Variants in ADAR observed in about 807,000 individuals in gnomAD.
The protein encoded by ADAR is adenosine deaminase RNA specific, also known as double-stranded RNA-specific adenosine deaminase.
In ADAR, 41 loss-of-function variants were observed where a neutral mutation model predicts 113.2. The observed-to-expected ratio is 0.36, with a 90% CI of 0.28 to 0.47. The LOEUF is 0.47. Among genes scored for constraint, ADAR ranks in the 20% least tolerant of loss-of-function variants. ADAR has a pLI of 1.00. For synonymous variants in ADAR, 605 were observed against 572.6 expected (o/e 1.06, Z -0.81); for missense variants, 1,242 against 1,540.9 (o/e 0.81, Z 3.25).
intron 1 of ADAR, among the ~76,000 whole-genome samples, chr1:154,622,856 T>G (rs1386304410): frequency 6.6e-6 from 1 of 151,998 alleles, no homozygotes; most frequent in Non-Finnish European, 1.5e-5. Flanking sequence ...TATATGCCAG[T>G]ATGAGGCACT....
rs747418036 is a variant in ADAR, at chr1:154,602,142, G to A, written c.500C>T (p.Thr167Ile). 3 of 1,614,196 alleles carry A rather than the reference G, an allele frequency of 1.9e-6. No homozygotes were observed. The Admixed American group carries it at 5.0e-5, about 27-fold the overall frequency. ...TAHDLSGKLG[T>I]PKKEINRVLY... ...AACTCGATTGATTTCTTTCTTCGGAGTCCCAAGTTTCCCAGACAGATCATG... is the reference window on the plus strand; with the variant it reads ...AACTCGATTGATTTCTTTCTTCGGAATCCCAAGTTTCCCAGACAGATCATG... Residue 167 changes from threonine to isoleucine, a missense_variant, in exon 2 of 15, where the codon ACT (threonine) becomes ATT (isoleucine). Physicochemically the swap from Thr to Ile is moderately conservative, Grantham distance 89. Transcript: ENST00000368474.
chr1:154,591,804 C>T (rs574856530), intron 6 of ADAR, among the ~76,000 whole-genome samples: 44 of 152,224 alleles, frequency 2.9e-4, no homozygotes, highest in African/African-American at 9.9e-4. Context: ...CTTGATGATC[C>T]GAAGCAACTA....
rs1346641045 is a variant in ADAR, at chr1:154,597,014, A to C, written c.2080-19T>G. 5 of 1,614,122 alleles carry C rather than the reference A, an allele frequency of 3.1e-6. No individual in the cohort carries two copies. The highest frequency in any genetic ancestry group is 2.7e-5 in the African/African-American group (2 of 75,054). On this transcript the variant is annotated intron_variant, in intron 5 of 14. Transcript: ENST00000368474. ...CTTCAGGCTAAAGGAGAATCCATCA[A>C]ACAGAGGAGCCATAAACACTTCAGG...
chr1:154,585,360 G>T lies in ADAR; in HGVS notation c.3316-16C>A, dbSNP rs754909953. On this transcript the variant is annotated splice_polypyrimidine_tract_variant and intron_variant, in intron 13 of 14. Transcript: ENST00000368474. ...CTCTGCCAACCTAGGAATCCCAGAAGCAACGGGAGAAAGATGGAAACCTTT... is the reference window on the plus strand; with the variant it reads ...CTCTGCCAACCTAGGAATCCCAGAATCAACGGGAGAAAGATGGAAACCTTT... 2 of 1,614,050 alleles carry T rather than the reference G, an allele frequency of 1.2e-6. No homozygotes were observed. The highest frequency in any genetic ancestry group is 1.7e-6 in the Non-Finnish European group (2 of 1,179,992).
intron 1 of ADAR, among the ~76,000 whole-genome samples, chr1:154,605,203 T>C (rs746469603): frequency 8.5e-5 from 13 of 152,250 alleles, no homozygotes; most frequent in South Asian, 2.1e-4. Flanking sequence ...TACTGGGCCA[T>C]TGCAAAGGCC....
upstream of ADAR, among the ~76,000 whole-genome samples, chr1:154,610,493 C>G (rs1232050705): frequency 6.6e-6 from 1 of 152,062 alleles, no homozygotes; most frequent in East Asian, 1.9e-4. Context: ...CAGGCAAAAC[C>G]AAACTATAGT....
Position 154,602,267 on chromosome 1 carries a change from G to A in ADAR, c.375C>T (p.Cys125=). The A allele has an allele frequency of 1.2e-6, 2 of 1,614,184 alleles. No individual in the cohort carries two copies. Among genetic ancestry groups the A allele is most frequent in the South Asian group, 1.1e-5 (1 of 91,082 alleles). Residue 125 remains cysteine (C), a synonymous_variant, in exon 2 of 15, where the codon TGC becomes TGT. Coordinates refer to ENST00000368474, the MANE Select transcript of ADAR (RefSeq NM_001111.5). ...TCAGTTCCTGGAAATGTGAGGAAAG[G>A]CAATCAACACCTCTCTGTGGCAGAC... ...GRSLPQRGVD[C]LSSHFQELSI... is the part of the protein sequence containing the mutation.
At chr1:154,607,811 C>CCA (rs1402791358) in intron 1 of ADAR, among the ~76,000 whole-genome samples, 181 bp downstream of exon 1, 68 of 141,264 alleles carry the variant, frequency 4.8e-4, no homozygotes, top group African/African-American at 1.7e-3. Context: ...CGACACACAC[C>CCA]CACACACACA....
At chr1:154,595,645 TAATAAAGTAAAAAATAAAGTAAA>T (rs1260009331) in intron 6 of ADAR, among the ~76,000 whole-genome samples, 1 of 152,058 alleles carries the variant, frequency 6.6e-6, no homozygotes, top group Non-Finnish European at 1.5e-5. Flanking sequence ...ATAAAAAAGT[TAATAAAGTAAAAAATAAAGTAAA>T]AATAAAGTAA....
intron 1 of ADAR, among the ~76,000 whole-genome samples, chr1:154,619,278 T>G (rs1334530762): frequency 6.6e-6 from 1 of 152,178 alleles, no homozygotes; most frequent in Non-Finnish European, 1.5e-5. Context: ...TTCTACTTCT[T>G]TTGTCAGTGA....
At chr1:154,591,570 T>C (rs1268563695) in intron 6 of ADAR, among the ~76,000 whole-genome samples, 1 of 152,200 alleles carries the variant, frequency 6.6e-6, no homozygotes, top group Admixed American at 6.5e-5. Flanking sequence ...GCTGGTAATT[T>C]CCAAACACAG....
chr1:154,616,348 T>C (rs569653582), intron 1 of ADAR, among the ~76,000 whole-genome samples: 1 of 152,298 alleles, frequency 6.6e-6, no homozygotes, highest in East Asian at 1.9e-4. Flanking sequence ...CCTGCCATCC[T>C]TCTCCCTTCT....
chr1:154,619,545 T>C (rs926181265), intron 1 of ADAR, among the ~76,000 whole-genome samples: 4 of 152,250 alleles, frequency 2.6e-5, no homozygotes, highest in African/African-American at 9.6e-5. Flanking sequence ...GGCTTTTTAA[T>C]AGCTTTCTAT....
rs561838582 is a variant in ADAR at position 154,588,041 on chromosome 1, A to C, written c.3019+84T>G. 8 of 1,595,708 alleles carry C rather than the reference A, an allele frequency of 5.0e-6. No homozygotes were observed. The African/African-American group carries it at 5.4e-5, about 11-fold the overall frequency. On this transcript the variant is annotated intron_variant, in intron 11 of 14. Coordinates refer to ENST00000368474, the MANE Select transcript of ADAR (RefSeq NM_001111.5). ...TCTGTGCCCAGTGACTAATGGTAAA[A>C]TCCTAGCAGCCTTGTAGAGACTTGG... is the stretch of plus-strand genomic sequence containing the variant.
At chr1:154,612,398 G>A (rs532153369), upstream of ADAR, among the ~76,000 whole-genome samples, 2 of 131,584 alleles carry the variant, frequency 1.5e-5, no homozygotes, top group Non-Finnish European at 3.1e-5. Flanking sequence ...TGCAATCTTG[G>A]CTCACTGCAA....
chr1:154,598,348 C>T (rs1697640221), intron 3 of ADAR, 54 bp downstream of exon 3: 3 of 1,589,286 alleles, frequency 1.9e-6, no homozygotes, highest in East Asian at 4.5e-5. Flanking sequence ...GAGTCAGTTA[C>T]AATCCAGACA....
chr1:154,614,364 T>C (rs1698575328), intron 1 of ADAR, among the ~76,000 whole-genome samples: 3 of 152,246 alleles, frequency 2.0e-5, no homozygotes, highest in African/African-American at 7.2e-5. Flanking sequence ...TTGGGTTCTA[T>C]TGAGTCAGGA....
At chr1:154,614,260 C>T (rs753278565) in intron 1 of ADAR, among the ~76,000 whole-genome samples, 25 of 152,226 alleles carry the variant, frequency 1.6e-4, no homozygotes, top group Non-Finnish European at 3.1e-4. Flanking sequence ...ACCCTTAAGC[C>T]GCTTCTCCGA....
chr1:154,626,565 T>G (rs1025423423), intron 1 of ADAR, among the ~76,000 whole-genome samples: 1 of 152,196 alleles, frequency 6.6e-6, no homozygotes, highest in South Asian at 2.1e-4. Flanking sequence ...AGCAAAAAGT[T>G]CCCCTGCTTC....
Sources: gnomAD v4.1 joint callset for allele counts (sites outside exome capture counted in the v4.1 genomes callset) on GRCh38, gnomAD v4.1.1 for gene constraint, MANE v1.5 for transcripts, NCBI Gene and HGNC (gene_info 2026-07-23, HGNC 2026-07-21) for gene names.